Variants in CAMTA1 observed in about 807,000 individuals in gnomAD.
The protein encoded by CAMTA1 is calmodulin binding transcription activator 1.
A neutral mutation model predicts 170.9 loss-of-function variants in CAMTA1; 27 were observed. The observed-to-expected ratio is 0.16, with a 90% CI of 0.12 to 0.22. The LOEUF is 0.22. Among genes scored for constraint, CAMTA1 ranks in the 10% least tolerant of loss-of-function variants. The pLI is 1.00. For missense variants in CAMTA1, 1,619 were observed against 2,217.2 expected (o/e 0.73, Z 5.42); for synonymous variants, 833 against 891.5 (o/e 0.93, Z 1.17).
intron 4 of CAMTA1, among the ~76,000 whole-genome samples, chr1:7,110,590 T>C (rs1399241463): frequency 2.6e-5 from 4 of 152,226 alleles, no homozygotes; most frequent in African/African-American, 9.6e-5. Flanking sequence ...ATCAGCAACC[T>C]GGGAGGACAG....
chr1:6,826,075 GT>G (rs1278648083), intron 3 of CAMTA1, among the ~76,000 whole-genome samples: 1 of 152,150 alleles, frequency 6.6e-6, no homozygotes, highest in African/African-American at 2.4e-5. Context: ...TGGACACTCA[GT>G]TCTGTTAAAA....
intron 6 of CAMTA1, among the ~76,000 whole-genome samples, chr1:7,597,282 G>T (rs1019299381): frequency 5.9e-5 from 9 of 152,200 alleles, no homozygotes; most frequent in African/African-American, 1.7e-4. Context: ...ATGCCTCCTA[G>T]AACTGGTGCG....
intron 6 of CAMTA1, among the ~76,000 whole-genome samples, chr1:7,519,298 G>A (rs973807944): frequency 6.6e-6 from 1 of 152,084 alleles, no homozygotes; most frequent in Non-Finnish European, 1.5e-5. Context: ...GAGAGGTGGG[G>A]GCACAGGGGA....
intron 6 of CAMTA1, among the ~76,000 whole-genome samples, chr1:7,627,823 C>T (rs962367370): frequency 1.3e-5 from 2 of 152,212 alleles, no homozygotes; most frequent in Admixed American, 1.3e-4. Flanking sequence ...GAGGATTAAA[C>T]AAGCTAAGTC....
intron 3 of CAMTA1, among the ~76,000 whole-genome samples, chr1:6,919,063 C>T (rs547507009): frequency 6.6e-6 from 1 of 152,294 alleles, no homozygotes; most frequent in Non-Finnish European, 1.5e-5. Flanking sequence ...GACCTGAAAA[C>T]ACTCTGTTTT....
intron 4 of CAMTA1, among the ~76,000 whole-genome samples, chr1:7,229,441 G>A: frequency 9.0e-6 from 1 of 110,860 alleles, no homozygotes; most frequent in Non-Finnish European, 1.9e-5. Flanking sequence ...GGGGAGGAGG[G>A]GGGTGTGAAG....
chr1:6,996,714 A>G (rs527969412), intron 3 of CAMTA1, among the ~76,000 whole-genome samples: 14 of 151,828 alleles, frequency 9.2e-5, no homozygotes, highest in African/African-American at 3.1e-4. Flanking sequence ...AGAAAGAAAG[A>G]AAAAAAGTCA....
intron 6 of CAMTA1, among the ~76,000 whole-genome samples, chr1:7,522,692 G>A (rs2094381386): frequency 6.6e-6 from 1 of 152,116 alleles, no homozygotes; most frequent in African/African-American, 2.4e-5. Flanking sequence ...TGTTTCTGGG[G>A]TTTGGTTTTT....
At chr1:6,832,711 C>G (rs1650921813) in intron 3 of CAMTA1, among the ~76,000 whole-genome samples, 1 of 152,084 alleles carries the variant, frequency 6.6e-6, no homozygotes, top group African/African-American at 2.4e-5. Flanking sequence ...TTTTGTTTAG[C>G]TTTTGGCAGG....
intron 3 of CAMTA1, among the ~76,000 whole-genome samples, chr1:6,831,389 G>T (rs1412141120): frequency 6.6e-6 from 1 of 152,204 alleles, no homozygotes; most frequent in African/African-American, 2.4e-5. Context: ...CCTAGAGCCA[G>T]AAATAATTAT....
chr1:7,467,682 C>A (rs1017331126), intron 5 of CAMTA1, 148 bp from the exon 6 acceptor site: 2 of 775,544 alleles, frequency 2.6e-6, no homozygotes, highest in South Asian at 1.4e-5. Context: ...AGTCTTGGAG[C>A]TGGAGCCAGA....
At position 7,210,969 on chromosome 1, in the gene CAMTA1, A is replaced by G. The variant is rs528935767; in HGVS notation, c.303-38522A>G. On this transcript the variant is annotated intron_variant, in intron 4 of 22. Coordinates refer to ENST00000303635, the MANE Select transcript of CAMTA1 (RefSeq NM_015215.4). ...TGTCCTTTTGACAAATCCCCATAAT[A>G]TTTTTCCACAACATTTTATTATGAA... Among the ~76,000 whole-genome samples the G allele has an allele frequency of 8.2e-4, 125 of 152,306 alleles. 1 individual carries two copies. Among genetic ancestry groups the G allele is most frequent in the Non-Finnish European group, 1.6e-3 (107 of 68,026 alleles).
chr1:7,693,595 A>C (rs2096342231), intron 11 of CAMTA1: 2 of 152,304 alleles, frequency 1.3e-5, no homozygotes. Context: ...TTATTACATC[A>C]AAAGGATACA....
rs747383026 is a variant in CAMTA1, at chr1:7,664,770, G to A, written c.2223G>A (p.Val741=). The change falls in exon 9 of 23, where the codon GTG becomes GTA. Residue 741 remains valine, a synonymous_variant. Transcript: ENST00000303635. ...TCCCCATCCTCCCGGGCAACGTGGT[G>A]CAGGGACTCTACCCCGTGGCCCAGC... ...GGVPILPGNV[V]QGLYPVAQPS... 2.6e-5 allele frequency: 42 copies of A among 1,611,216 alleles called. No individual in the cohort carries two copies. In the Middle Eastern group the frequency reaches 6.6e-4, roughly 25 times the overall value.
chr1:7,643,894 TGTG>T (rs2095785494), intron 7 of CAMTA1, among the ~76,000 whole-genome samples: 1 of 99,836 alleles, frequency 1.0e-5, no homozygotes, highest in African/African-American at 1.2e-4. Flanking sequence ...CAGCTAAGTG[TGTG>T]TGTCCGGGGA....
At chr1:7,740,038 C>T (rs1039539210) in intron 16 of CAMTA1, among the ~76,000 whole-genome samples, 7 of 151,198 alleles carry the variant, frequency 4.6e-5, no homozygotes, top group Admixed American at 1.3e-4. Context: ...TATCACCTAC[C>T]GACCACTGCA....
chr1:6,842,876 G>A (rs1181537816), intron 3 of CAMTA1, among the ~76,000 whole-genome samples: 2 of 151,714 alleles, frequency 1.3e-5, no homozygotes, highest in Admixed American at 6.6e-5. Context: ...GTGAGCTGAG[G>A]TCGTGCCATT....
Position 7,251,055 on chromosome 1 carries a change from C to T in CAMTA1, c.438+1429C>T, listed in dbSNP as rs543477260. 1.2e-4 allele frequency among the ~76,000 whole-genome samples: 18 copies of T among 152,274 alleles called. No homozygotes were observed. Among genetic ancestry groups the T allele is most frequent in the South Asian group, 6.2e-4 (3 of 4,832 alleles). On this transcript the variant is annotated intron_variant, in intron 5 of 22. Coordinates refer to ENST00000303635, the MANE Select transcript of CAMTA1 (RefSeq NM_015215.4). The surrounding 1 kb of genome is among the most constrained non-coding windows in gnomAD (Gnocchi z 5.1). ...GTGAGGCAAGGCTGGGTGGGGCCCC[C>T]GAACAACGAGGCTGCTCGCACCGGG...
At chr1:7,243,711 G>A (rs1305806370) in intron 4 of CAMTA1, among the ~76,000 whole-genome samples, 2 of 152,136 alleles carry the variant, frequency 1.3e-5, no homozygotes, top group Non-Finnish European at 2.9e-5. Context: ...GGCAATGTGG[G>A]CTCTTTTTTG....
Sources: gnomAD v4.1 joint callset for allele counts (sites outside exome capture counted in the v4.1 genomes callset) on GRCh38, gnomAD v4.1.1 for gene constraint, Gnocchi (gnomAD v3.1) non-coding constraint, MANE v1.5 for transcripts, NCBI Gene and HGNC (gene_info 2026-07-23, HGNC 2026-07-21) for gene names.